Variants in MTHFS observed in about 807,000 individuals in gnomAD.
MTHFS encodes the protein methenyltetrahydrofolate synthetase.
A neutral mutation model predicts 12.7 loss-of-function variants in MTHFS; 7 were observed. That is an observed-to-expected ratio of 0.55 (90% CI 0.31 to 1.03). MTHFS has a LOEUF of 1.03. MTHFS is among the 50% of genes least tolerant of loss of function. The pLI is 0.05. For missense variants in MTHFS, 252 were observed against 258.1 expected (o/e 0.98, Z 0.16); for synonymous variants, 100 against 97.1 (o/e 1.03, Z -0.18).
chr15:79,864,003 T>A (rs2033961997), intron 2 of MTHFS, among the ~76,000 whole-genome samples: 1 of 152,218 alleles, frequency 6.6e-6, no homozygotes, highest in African/African-American at 2.4e-5. Flanking sequence ...AGGCACCGTG[T>A]GCCATCCCAC....
Position 79,862,881 on chromosome 15 carries a change from G to C in MTHFS, c.380-17439C>G, listed in dbSNP as rs899885637. Among the ~76,000 whole-genome samples the C allele has an allele frequency of 9.2e-5, 14 of 152,254 alleles. 1 individual carries two copies. The highest frequency in any genetic ancestry group is 1.9e-4 in the African/African-American group (8 of 41,554). On this transcript the variant is annotated intron_variant, in intron 2 of 2. Transcript: ENST00000258874. ...TCATCACCTAGCCACTAAGATCCCT[G>C]TTTGTAATATCAGGGCACACCCCAA...
chr15:79,876,632 A>C (rs940151455), intron 2 of MTHFS: 3 of 149,414 alleles, frequency 2.0e-5, no homozygotes, highest in Non-Finnish European at 4.5e-5. Flanking sequence ...AAAAAAAAAA[A>C]GTAAAGGAAA....
At chr15:79,865,432 T>A (rs1020918663) in intron 2 of MTHFS, among the ~76,000 whole-genome samples, 1 of 152,210 alleles carries the variant, frequency 6.6e-6, no homozygotes, top group Non-Finnish European at 1.5e-5. Context: ...GGGAATTTGA[T>A]AATGAAATAC....
rs1243771383 is a variant in MTHFS, at chr15:79,896,929, A to G, written c.60T>C (p.Arg20=). 3 of 1,540,826 alleles carry G rather than the reference A, an allele frequency of 1.9e-6. No individual in the cohort carries two copies. The highest frequency in any genetic ancestry group is 2.4e-5 in the South Asian group (2 of 83,930). ...KRSLRGELKQ[R]LRAMSAEERL... ...GCTCCTCGGCACTCATCGCCCGCAG[A>G]CGCTGCTTCAGCTCTCCCCGCAGGC... Residue 20 remains arginine (R), a synonymous_variant, in exon 1 of 3, where the codon CGT becomes CGC. Coordinates refer to ENST00000258874, the MANE Select transcript of MTHFS (RefSeq NM_006441.4).
At chr15:79,890,412 G>A (rs1596082929) in intron 1 of MTHFS, among the ~76,000 whole-genome samples, 1 of 151,346 alleles carries the variant, frequency 6.6e-6, no homozygotes, top group Non-Finnish European at 1.5e-5. Context: ...TATTTTTTGT[G>A]GAGACAGGGT....
At chr15:79,864,547 CAAAAAAAAAAAAAA>C (rs58698908) in intron 2 of MTHFS, among the ~76,000 whole-genome samples, 1,377 of 64,596 alleles carry the variant, frequency 0.021, 22 homozygotes, top group South Asian at 0.07. Context: ...TCCATCTCAA[CAAAAAAAAAAAAAA>C]AAAAAAAAAA....
chr15:79,845,471 GATTA>G lies in MTHFS; in HGVS notation c.380-33_380-30del, dbSNP rs1284983712. ...CGGAAAAGAGGAACAAATTTAAGAGGATTAATTGTTTCTGAAAGATCATTTCAGG... is the reference window on the plus strand; with the variant it reads ...CGGAAAAGAGGAACAAATTTAAGAGGATTGTTTCTGAAAGATCATTTCAGG... On this transcript the variant is annotated intron_variant, in intron 2 of 2. Coordinates refer to ENST00000258874, the MANE Select transcript of MTHFS (RefSeq NM_006441.4). The G allele has an allele frequency of 5.6e-6, 9 of 1,597,502 alleles. No individual in the cohort carries two copies. The African/African-American group carries it at 9.4e-5, about 17-fold the overall frequency.
At chr15:79,880,009 A>G (rs2034269332) in intron 2 of MTHFS, among the ~76,000 whole-genome samples, 1 of 152,170 alleles carries the variant, frequency 6.6e-6, no homozygotes, top group Non-Finnish European at 1.5e-5. Flanking sequence ...TTTCTGTTCA[A>G]TTTCCATCTC....
chr15:79,897,046 GT>G, upstream of MTHFS: 1 of 1,465,758 alleles, frequency 6.8e-7, no homozygotes, highest in Non-Finnish European at 9.0e-7. Context: ...CTCGGGTTCG[GT>G]CTCCGCCCCT....
chr15:79,869,546 C>T (rs1566992430), intron 2 of MTHFS, among the ~76,000 whole-genome samples: 1 of 152,064 alleles, frequency 6.6e-6, no homozygotes. Flanking sequence ...GCAATCCTCT[C>T]ACCTCAGCCT....
At chr15:79,855,122 T>G (rs1031423224) in intron 2 of MTHFS, among the ~76,000 whole-genome samples, 11 of 152,188 alleles carry the variant, frequency 7.2e-5, no homozygotes, top group African/African-American at 2.4e-4. Flanking sequence ...TATCTGGCCC[T>G]CTGCAGAAAA....
At chr15:79,859,506 G>C (rs1206072409) in intron 2 of MTHFS, among the ~76,000 whole-genome samples, 1 of 152,154 alleles carries the variant, frequency 6.6e-6, no homozygotes, top group African/African-American at 2.4e-5. Flanking sequence ...TCGGACACCT[G>C]GCTAACATTT....
rs1296741206 is a variant in MTHFS, at chr15:79,883,983, C to G, written c.379+5110G>C. On this transcript the variant is annotated intron_variant, in intron 2 of 2. Coordinates refer to ENST00000258874, the MANE Select transcript of MTHFS (RefSeq NM_006441.4). ...CATTACCCTATGCTTGACCACTCAA[C>G]ATCAGCAAAAACAACAGCAGCCACA... 3.3e-5 allele frequency among the ~76,000 whole-genome samples: 5 copies of G among 152,234 alleles called. No homozygotes were observed. The East Asian group carries it at 9.6e-4, about 29-fold the overall frequency.
In MTHFS at chr15:79,868,838, A is replaced by C. The variant is rs148083072; in HGVS notation, c.379+20255T>G. 2.0e-5 allele frequency among the ~76,000 whole-genome samples: 3 copies of C among 152,224 alleles called. No individual in the cohort carries two copies. The East Asian group carries it at 5.8e-4, about 29-fold the overall frequency. On this transcript the variant is annotated intron_variant, in intron 2 of 2. Coordinates refer to ENST00000258874, the MANE Select transcript of MTHFS (RefSeq NM_006441.4). ...ACTTCTAGGCCTCCACAATCACATG[A>C]GCAAATTCATTATAATAAAGCTCCT...
rs140550607 is a variant in MTHFS, at chr15:79,856,761, G to A, written c.380-11319C>T. Among the ~76,000 whole-genome samples, 22 of 152,068 alleles carry A rather than the reference G, an allele frequency of 1.4e-4. 1 individual carries two copies. In the East Asian group the frequency reaches 3.9e-3, roughly 27 times the overall value. ...GTTAAGATGGTAAATTTTGTTATGT[G>A]TTTCCTTACCACAACAAAAAAAGAA... On this transcript the variant is annotated intron_variant, in intron 2 of 2. Coordinates refer to ENST00000258874, the MANE Select transcript of MTHFS (RefSeq NM_006441.4).
intron 2 of MTHFS, among the ~76,000 whole-genome samples, chr15:79,851,430 T>C (rs995549578): frequency 6.6e-6 from 1 of 152,230 alleles, no homozygotes; most frequent in African/African-American, 2.4e-5. Context: ...TTATTTTAGC[T>C]TCCTGACTAT....
chr15:79,891,925 T>C (rs1422728939), intron 1 of MTHFS, among the ~76,000 whole-genome samples: 3 of 124,150 alleles, frequency 2.4e-5, no homozygotes, highest in Admixed American at 1.1e-4. Flanking sequence ...ATCATGCCAT[T>C]GCACTCAAGC....
In MTHFS at chr15:79,868,210, T is replaced by C. The variant is rs28566749; in HGVS notation, c.379+20883A>G. On this transcript the variant is annotated intron_variant, in intron 2 of 2. Transcript: ENST00000258874. ...AAGCAGATTAGGGAGAAGCACAAAA[T>C]ATGTAATAGCTTTTATTTTATATCA... 9.8e-3 allele frequency among the ~76,000 whole-genome samples: 1,490 copies of C among 152,318 alleles called. 21 individuals carry two copies. Among genetic ancestry groups the C allele is most frequent in the African/African-American group, 0.033 (1,384 of 41,580 alleles).
At chr15:79,856,398 T>C (rs2033803294) in intron 2 of MTHFS, among the ~76,000 whole-genome samples, 1 of 152,244 alleles carries the variant, frequency 6.6e-6, no homozygotes, top group South Asian at 2.1e-4. Context: ...TATTTATAGA[T>C]TCAATATCTC....
Sources: allele counts gnomAD v4.1 joint callset (sites outside exome capture counted in the v4.1 genomes callset), GRCh38; gene constraint gnomAD v4.1.1; transcripts MANE v1.5; gene names NCBI Gene and HGNC (gene_info 2026-07-23, HGNC 2026-07-21).